The following USP31 variants were observed in gnomAD, a reference collection of about 807,000 sequenced individuals.
The protein encoded by USP31 is ubiquitin specific peptidase 31.
A neutral mutation model predicts 119.4 loss-of-function variants in USP31; 44 were observed. The observed-to-expected ratio is 0.37, with a 90% CI of 0.29 to 0.47. The LOEUF (loss-of-function observed/expected upper bound fraction) is 0.47, where lower values mean the gene tolerates loss of function less well. Among genes scored for constraint, USP31 ranks in the 20% least tolerant of loss-of-function variants. The probability of loss-of-function intolerance (pLI) is 0.99; values close to 1 mark genes in which losing one functional copy is unlikely to be tolerated. For missense variants in USP31, 1,643 were observed against 1,730.2 expected (o/e 0.95, Z 0.89); for synonymous variants, 749 against 705.6 (o/e 1.06, Z -0.97).
In USP31 at chr16:23,141,525, G is replaced by A. The variant is rs796952214; in HGVS notation, c.633+7113C>T. On this transcript the variant is annotated intron_variant, in intron 1 of 15. Coordinates refer to ENST00000219689, the MANE Select transcript of USP31 (RefSeq NM_020718.4). The stretch of plus-strand genomic sequence containing the variant: ...CCGAAGTAGCTGGAACCACAGGTGT[G>A]TGCCACCACGCCCGGCTAATTTTTG... Among the ~76,000 whole-genome samples, 34 of 152,114 alleles carry A rather than the reference G, an allele frequency of 2.2e-4. 1 individual carries two copies. Among genetic ancestry groups the A allele is most frequent in the African/African-American group, 7.7e-4 (32 of 41,510 alleles).
chr16:23,069,124 T>C lies in USP31; in HGVS notation c.2981A>G (p.Gln994Arg). ...TGGAGAGCTGTCTACGGAGTCGCTC[T>C]GATCCACATAAGCGATCTGATTATT... ...DNNNQIAYVD[Q>R]SDSVDSSPVK... The change falls in exon 16 of 16, where the codon CAG becomes CGG. Residue 994 changes from glutamine to arginine, a missense_variant. Gln to Arg is a conservative substitution (Grantham distance 43, BLOSUM62 1). Around this residue, in one of 5 missense-constraint regions of USP31, gnomAD observed 699 missense variants for 650.9 expected, o/e 1.07. Transcript: ENST00000219689. The C allele has an allele frequency of 6.8e-6, 11 of 1,613,640 alleles. No individual in the cohort carries two copies. Among genetic ancestry groups the C allele is most frequent in the Non-Finnish European group, 9.3e-6 (11 of 1,180,024 alleles).
At chr16:23,146,065 C>T (rs1016292411) in intron 1 of USP31, among the ~76,000 whole-genome samples, 1 of 152,126 alleles carries the variant, frequency 6.6e-6, no homozygotes, top group African/African-American at 2.4e-5. Flanking sequence ...AAAGTGAACA[C>T]AAACTCATAA....
At chr16:23,074,241 C>G (rs1900469188) in intron 13 of USP31, among the ~76,000 whole-genome samples, 1 of 152,038 alleles carries the variant, frequency 6.6e-6, no homozygotes, top group Admixed American at 6.6e-5. Flanking sequence ...CTACTGGCAT[C>G]TAGTGGGTAG....
Position 23,074,883 on chromosome 16 carries a change from T to C in USP31, c.2177-1003A>G, listed in dbSNP as rs1254662325. ...AAAAGTACATTATGATCACATTTTCTAAAAATATGCATTTATTTGGGGTGA... is the reference window on the plus strand; with the variant it reads ...AAAAGTACATTATGATCACATTTTCCAAAAATATGCATTTATTTGGGGTGA... On this transcript the variant is annotated intron_variant, in intron 13 of 15. Transcript: ENST00000219689. 2.6e-5 allele frequency among the ~76,000 whole-genome samples: 4 copies of C among 152,336 alleles called. No homozygotes were observed. In the East Asian group the frequency reaches 7.7e-4, roughly 29 times the overall value.
chr16:23,148,834 A>G lies in USP31; in HGVS notation c.437T>C (p.Leu146Pro). 1 of 1,533,804 alleles carries G rather than the reference A, an allele frequency of 6.5e-7. No homozygotes were observed. Among genetic ancestry groups the G allele is most frequent in the Non-Finnish European group, 8.7e-7 (1 of 1,142,948 alleles). Residue 146 changes from leucine (L) to proline (P), a missense_variant, in exon 1 of 16, where the codon CTC becomes CCC. Coordinates refer to ENST00000219689, the MANE Select transcript of USP31 (RefSeq NM_020718.4). ...TCFMNATLQC[L>P]SNTELFAEYL... ...CTCGGCGAAGAGCTCGGTGTTGCTG[A>G]GGCACTGCAGCGTGGCGTTCATGAA...
chr16:23,082,456 A>G lies in USP31; in HGVS notation c.1932T>C (p.His644=), dbSNP rs372183516. The change falls in exon 12 of 16, where the codon CAT becomes CAC. Residue 644 remains histidine (H), a synonymous_variant. Transcript: ENST00000219689. ...LWTLPDVLII[H]LKRFRQEGDR... ...TCCATACCTGCCGAAATCTCTTTAGATGTATAATAAGCACATCAGGCAGAG... is the reference window on the plus strand; with the variant it reads ...TCCATACCTGCCGAAATCTCTTTAGGTGTATAATAAGCACATCAGGCAGAG... The G allele has an allele frequency of 1.2e-6, 2 of 1,614,146 alleles. No homozygotes were observed. The highest frequency in any genetic ancestry group is 1.7e-6 in the Non-Finnish European group (2 of 1,180,020).
chr16:23,148,746 A>T lies in USP31; in HGVS notation c.525T>A (p.Pro175=). 6.7e-7 allele frequency: 1 copy of T among 1,500,386 alleles called. No individual in the cohort carries two copies. Among genetic ancestry groups the T allele is most frequent in the South Asian group, 1.3e-5 (1 of 77,410 alleles). 92.9% of individuals were successfully genotyped at this position (1,500,386 alleles called of 1,614,324 possible). The change falls in exon 1 of 16, where the codon CCT becomes CCA. Residue 175 remains proline, a synonymous_variant. Coordinates refer to ENST00000219689, the MANE Select transcript of USP31 (RefSeq NM_020718.4). ...RPEPSPDPEQ[P]AGRGAQGQGE... is the part of the protein sequence containing the mutation. ...CCTGGCCCTGCGCGCCGCGGCCCGCAGGCTGCTCCGGGTCAGGCGAGGGCT... is the reference window on the plus strand; with the variant it reads ...CCTGGCCCTGCGCGCCGCGGCCCGCTGGCTGCTCCGGGTCAGGCGAGGGCT...
chr16:23,109,841 CAAAAAAA>C (rs60568760), intron 1 of USP31, among the ~76,000 whole-genome samples: 69 of 110,204 alleles, frequency 6.3e-4, no homozygotes, highest in Middle Eastern at 5.0e-3. Context: ...GACATTCTAC[CAAAAAAA>C]AAAAAAAAAA....
rs537307048 is a variant in USP31, at chr16:23,092,949, T to G, written c.1235-2145A>C. On this transcript the variant is annotated intron_variant, in intron 6 of 15. Transcript: ENST00000219689. ...ATTCAATGAGGACAGTACAATCTCT[T>G]CATCAAATGGTGCTGGGACAAGTAA... Among the ~76,000 whole-genome samples the G allele has an allele frequency of 4.6e-5, 7 of 152,230 alleles. No individual in the cohort carries two copies. The South Asian group carries it at 1.5e-3, about 32-fold the overall frequency.
intron 6 of USP31, among the ~76,000 whole-genome samples, chr16:23,095,293 G>T (rs567996797): frequency 1.3e-5 from 2 of 152,244 alleles, no homozygotes; most frequent in South Asian, 4.1e-4. Context: ...CACAAGGTTA[G>T]AGAAAAAAGA....
chr16:23,074,710 G>A (rs540966364), intron 13 of USP31, among the ~76,000 whole-genome samples: 20 of 152,130 alleles, frequency 1.3e-4, no homozygotes, highest in East Asian at 3.9e-4. Flanking sequence ...GCTCATGAAC[G>A]CAGGAGGACT....
At chr16:23,104,765 G>A (rs12928319) in intron 5 of USP31, among the ~76,000 whole-genome samples, 42,766 of 152,088 alleles carry the variant, frequency 0.28, 6,359 homozygotes, top group Admixed American at 0.35. Flanking sequence ...TAAATCTTAA[G>A]TAAGGAATGT....
At chr16:23,147,569 A>C (rs369604950) in intron 1 of USP31, among the ~76,000 whole-genome samples, 2 of 152,136 alleles carry the variant, frequency 1.3e-5, no homozygotes, top group South Asian at 2.1e-4. Context: ...TCGGCTCTCA[A>C]ATCTCACCCT....
At chr16:23,100,215 G>C (rs1366888258) in intron 6 of USP31, among the ~76,000 whole-genome samples, 1 of 152,188 alleles carries the variant, frequency 6.6e-6, no homozygotes, top group Admixed American at 6.5e-5. Context: ...ACAAAAACTT[G>C]TGTGGAATGT....
chr16:23,086,634 T>C (rs187053064), intron 9 of USP31, among the ~76,000 whole-genome samples: 236 of 152,298 alleles, frequency 1.5e-3, no homozygotes, highest in African/African-American at 5.5e-3. Context: ...TGTACTTTAA[T>C]GCTGCTGAAA....
At chr16:23,071,437 T>A (rs1005887817) in intron 15 of USP31, among the ~76,000 whole-genome samples, 6 of 149,648 alleles carry the variant, frequency 4.0e-5, no homozygotes, top group African/African-American at 1.5e-4. Context: ...AGGTCTATCC[T>A]GCCATTACCC....
Position 23,090,735 on chromosome 16 carries a change from G to A in USP31, c.1304C>T (p.Thr435Ile). ...GLDYHRLSSPTQTAAKQGKMD... is the reference protein window; with the variant it reads ...GLDYHRLSSPIQTAAKQGKMD... ...TTTCCCCTGCTTTGCTGCTGTTTGT[G>A]TAGGAGAAGACAGTCTATGATAATC... Residue 435 changes from threonine to isoleucine, a missense_variant, in exon 7 of 16, where the codon ACA (threonine) becomes ATA (isoleucine). Coordinates refer to ENST00000219689, the MANE Select transcript of USP31 (RefSeq NM_020718.4). 1 of 1,613,984 alleles carries A rather than the reference G, an allele frequency of 6.2e-7. No individual in the cohort carries two copies.
chr16:23,095,235 G>T (rs567695866), intron 6 of USP31, among the ~76,000 whole-genome samples: 1 of 152,316 alleles, frequency 6.6e-6, no homozygotes, highest in East Asian at 1.9e-4. Context: ...TCAAGTGGAA[G>T]AAAGGGTATC....
intron 1 of USP31, among the ~76,000 whole-genome samples, chr16:23,126,620 C>CT (rs1902865492): frequency 6.8e-6 from 1 of 147,836 alleles, no homozygotes; most frequent in Admixed American, 6.7e-5. Context: ...GAGCAAGACT[C>CT]TGTCTCAAAA....
Sources: allele counts gnomAD v4.1 joint callset (sites outside exome capture counted in the v4.1 genomes callset), GRCh38; gene constraint gnomAD v4.1.1; regional missense constraint gnomAD v4.1.1; transcripts MANE v1.5; gene names NCBI Gene and HGNC (gene_info 2026-07-23, HGNC 2026-07-21).